GRIP1: variants seen among roughly 807,000 people sequenced by gnomAD.
The protein encoded by GRIP1 is glutamate receptor interacting protein 1, also known as glutamate receptor-interacting protein 1.
GRIP1 carries 45 observed loss-of-function variants against 129.9 expected under a neutral mutation model. The observed-to-expected ratio is 0.35, with a 90% CI of 0.27 to 0.44. The LOEUF (loss-of-function observed/expected upper bound fraction) is 0.44, where lower values mean the gene tolerates loss of function less well. GRIP1 is among the 20% of genes least tolerant of loss of function. The probability of loss-of-function intolerance (pLI) is 1.00; values close to 1 mark genes in which losing one functional copy is unlikely to be tolerated. For synonymous variants in GRIP1, 530 were observed against 520.8 expected (o/e 1.02, Z -0.24); for missense variants, 1,196 against 1,396.8 (o/e 0.86, Z 2.29).
At chr12:66,840,985 G>A (rs934973827) in intron 1 of GRIP1, among the ~76,000 whole-genome samples, 20 of 152,218 alleles carry the variant, frequency 1.3e-4, no homozygotes, top group Middle Eastern at 3.4e-3. Context: ...TGAATTTCAG[G>A]TAACGAGGAA....
intron 1 of GRIP1, among the ~76,000 whole-genome samples, chr12:66,905,024 T>A (rs1406300326): frequency 6.6e-6 from 1 of 152,206 alleles, no homozygotes; most frequent in Non-Finnish European, 1.5e-5. Flanking sequence ...CCATCCCAAG[T>A]CCTTAGATAC....
chr12:66,793,642 C>T (rs1009331512), intron 1 of GRIP1, among the ~76,000 whole-genome samples: 2 of 152,128 alleles, frequency 1.3e-5, no homozygotes, highest in African/African-American at 4.8e-5. Context: ...TATATCCAAG[C>T]TGACTCAGGA....
intron 1 of GRIP1, among the ~76,000 whole-genome samples, chr12:67,016,216 AAGAT>A (rs1222136975): frequency 6.6e-6 from 1 of 152,204 alleles, no homozygotes; most frequent in Non-Finnish European, 1.5e-5. Flanking sequence ...TTCTCTAAAA[AAGAT>A]AGAAATTCCA....
At chr12:66,683,121 C>T (rs2034649214), upstream of GRIP1, among the ~76,000 whole-genome samples, 1 of 151,966 alleles carries the variant, frequency 6.6e-6, no homozygotes. Flanking sequence ...TATTTTAAAA[C>T]TCAGTGTTCT....
chr12:66,693,618 A>G (rs2035053690), intron 1 of GRIP1, among the ~76,000 whole-genome samples: 2 of 152,140 alleles, frequency 1.3e-5, no homozygotes, highest in Non-Finnish European at 2.9e-5. Context: ...ATATGATTTT[A>G]CTGGAGCTCT....
chr12:66,839,846 G>A (rs368042671), intron 1 of GRIP1, among the ~76,000 whole-genome samples: 4 of 152,210 alleles, frequency 2.6e-5, no homozygotes, highest in African/African-American at 9.6e-5. Flanking sequence ...CAGATTAACA[G>A]AGAGCCAGAT....
intron 8 of GRIP1, among the ~76,000 whole-genome samples, chr12:66,464,827 T>A (rs1223513184): frequency 6.6e-6 from 1 of 152,070 alleles, no homozygotes; most frequent in Non-Finnish European, 1.5e-5. Context: ...ACTGTGTGTG[T>A]GTGTGTGTGT....
intron 1 of GRIP1, among the ~76,000 whole-genome samples, chr12:67,057,873 G>A (rs1448247468): frequency 1.3e-5 from 2 of 152,188 alleles, no homozygotes; most frequent in African/African-American, 2.4e-5. Flanking sequence ...TTCATTTAAC[G>A]AAAATGTGCT....
At chr12:66,495,754 G>A (rs905156345) in intron 7 of GRIP1, among the ~76,000 whole-genome samples, 1 of 152,122 alleles carries the variant, frequency 6.6e-6, no homozygotes, top group Non-Finnish European at 1.5e-5. Context: ...ATTCCACAAG[G>A]CGAATGTACC....
chr12:66,450,303 C>CAAAAAAAAAAAAAAAAAAAAAAAAAAAAA (rs143013040), intron 11 of GRIP1, among the ~76,000 whole-genome samples: 1 of 26,802 alleles, frequency 3.7e-5, no homozygotes, highest in Non-Finnish European at 6.2e-5. Context: ...GACTCCATCT[C>CAAAAAAAAAAAAAAAAAAAAAAAAAAAAA]AAAAAAAAAA....
chr12:66,613,364 G>A (rs11176318), intron 1 of GRIP1, among the ~76,000 whole-genome samples: 27,697 of 152,008 alleles, frequency 0.18, 2,741 homozygotes, highest in Non-Finnish European at 0.23. Context: ...ATTCCATTAA[G>A]TACCTCCAAT....
chr12:66,548,188 A>G (rs1010165107), intron 2 of GRIP1, among the ~76,000 whole-genome samples: 4 of 152,200 alleles, frequency 2.6e-5, no homozygotes, highest in African/African-American at 9.6e-5. Context: ...CAAATGGCTA[A>G]TAAGTTGTTA....
At chr12:66,719,623 T>C (rs532552181) in intron 1 of GRIP1, among the ~76,000 whole-genome samples, 1 of 152,318 alleles carries the variant, frequency 6.6e-6, no homozygotes, top group East Asian at 1.9e-4. Context: ...AAAAATTCAC[T>C]ACCAAACAAA....
chr12:66,435,106 A>C (rs1287581137), intron 13 of GRIP1, among the ~76,000 whole-genome samples: 1 of 152,222 alleles, frequency 6.6e-6, no homozygotes, highest in Non-Finnish European at 1.5e-5. Context: ...GCAGAAAAAA[A>C]TGATTTGATT....
intron 7 of GRIP1, among the ~76,000 whole-genome samples, chr12:66,508,284 C>G (rs1202465291): frequency 6.6e-6 from 1 of 152,110 alleles, no homozygotes; most frequent in African/African-American, 2.4e-5. Flanking sequence ...ACACATTGTT[C>G]AATTCACAGT....
At chr12:66,773,219 GA>G (rs2037875123) in intron 1 of GRIP1, among the ~76,000 whole-genome samples, 1 of 152,152 alleles carries the variant, frequency 6.6e-6, no homozygotes, top group African/African-American at 2.4e-5. Flanking sequence ...CAAGAACAAA[GA>G]AAAGAACCAA....
intron 1 of GRIP1, among the ~76,000 whole-genome samples, chr12:67,042,144 C>A (rs1440358892): frequency 1.3e-5 from 2 of 152,172 alleles, no homozygotes; most frequent in African/African-American, 4.8e-5. Flanking sequence ...CCACGTGATG[C>A]CTTCTCCCGT....
intron 11 of GRIP1, among the ~76,000 whole-genome samples, chr12:66,447,360 A>C (rs889161361): frequency 6.6e-6 from 1 of 152,214 alleles, no homozygotes; most frequent in Non-Finnish European, 1.5e-5. Context: ...AAAAGTCACT[A>C]TGAATTCACA....
chr12:66,758,689 G>A (rs866549846), intron 1 of GRIP1, among the ~76,000 whole-genome samples: 10 of 152,182 alleles, frequency 6.6e-5, no homozygotes, highest in Admixed American at 1.3e-4. Flanking sequence ...CAGGTACTGG[G>A]TAAACACAGC....
Sources: allele counts gnomAD v4.1 joint callset (sites outside exome capture counted in the v4.1 genomes callset), GRCh38; gene constraint gnomAD v4.1.1; transcripts MANE v1.5; gene names NCBI Gene and HGNC (gene_info 2026-07-23, HGNC 2026-07-21).